The following ASB15 variants were observed in gnomAD, a reference collection of about 807,000 sequenced individuals.
The protein encoded by ASB15 is ankyrin repeat and SOCS box containing 15.
ASB15 carries 54 observed loss-of-function variants against 58.0 expected under a neutral mutation model. That is an observed-to-expected ratio of 0.93 (90% CI 0.75 to 1.17). ASB15 has a LOEUF of 1.17. Ranked by LOEUF, ASB15 falls within the 50% of genes most tolerant of loss-of-function variation. The pLI, the probability that ASB15 is intolerant of heterozygous loss-of-function variation, is 0.00. For missense variants in ASB15, 680 were observed against 707.4 expected, an observed-to-expected ratio of 0.96 and a Z score of 0.44; for synonymous variants, 249 against 262.4, an observed-to-expected ratio of 0.95 and a Z score of 0.50.
chr7:123,584,332 A>G (rs1799317455), intron 1 of ASB15, among the ~76,000 whole-genome samples: 1 of 149,242 alleles, frequency 6.7e-6, no homozygotes, highest in Non-Finnish European at 1.5e-5. Flanking sequence ...AAAAAAAAGT[A>G]AGAGAAAAAG....
At chr7:123,623,662 G>C (rs983041544) in intron 7 of ASB15, among the ~76,000 whole-genome samples, 1 of 151,980 alleles carries the variant, frequency 6.6e-6, no homozygotes, top group African/African-American at 2.4e-5. Context: ...TCAGGAGTTT[G>C]AGACCAGCCT....
chr7:123,573,628 T>A (rs1188818325), intron 1 of ASB15, among the ~76,000 whole-genome samples: 1 of 152,136 alleles, frequency 6.6e-6, no homozygotes, highest in Non-Finnish European at 1.5e-5. Flanking sequence ...ACATAGTTTT[T>A]CTTAGCCTCC....
chr7:123,597,928 G>GTA (rs1554387408), upstream of ASB15, among the ~76,000 whole-genome samples: 153 of 150,674 alleles, frequency 1.0e-3, 1 homozygote, highest in South Asian at 6.1e-3. Context: ...GTGTGTGTGT[G>GTA]TGTGTGTGTG....
At chr7:123,611,236 T>C (rs943034352) in intron 3 of ASB15, among the ~76,000 whole-genome samples, 1 of 152,180 alleles carries the variant, frequency 6.6e-6, no homozygotes, top group Non-Finnish European at 1.5e-5. Flanking sequence ...TCCCATAGAC[T>C]GTTGCTGGCC....
At chr7:123,585,167 T>C (rs1222607473) in intron 1 of ASB15, among the ~76,000 whole-genome samples, 1 of 151,724 alleles carries the variant, frequency 6.6e-6, no homozygotes, top group Non-Finnish European at 1.5e-5. Context: ...TATAATTATC[T>C]GAACAAAGAA....
Position 123,624,728 on chromosome 7 carries a change from AC to A in ASB15, c.613del (p.Leu205Ter). 1 of 1,614,190 alleles carries A rather than the reference AC, an allele frequency of 6.2e-7. No homozygotes were observed. The highest frequency in any genetic ancestry group is 8.5e-7 in the Non-Finnish European group (1 of 1,180,030). Reference sequence around the variant, plus strand: ...CTGCTGAAACATGGAGGCAATGTCCACCTGAGAGATGGATTTGGAGTCACAC... The same window carrying A: ...CTGCTGAAACATGGAGGCAATGTCCACTGAGAGATGGATTTGGAGTCACAC... ...ALLLKHGGNV[H>X]LRDGFGVTPL... On this transcript the variant is annotated frameshift_variant, in exon 8 of 12. Coordinates refer to ENST00000451215, the MANE Select transcript of ASB15 (RefSeq NM_001290258.2). LOFTEE classifies it high-confidence loss of function.
At chr7:123,578,585 T>C (rs1450147077) in intron 1 of ASB15, among the ~76,000 whole-genome samples, 3 of 152,124 alleles carry the variant, frequency 2.0e-5, no homozygotes, top group African/African-American at 7.2e-5. Flanking sequence ...GACTGATATT[T>C]TTCCTTATTA....
At chr7:123,618,343 A>G (rs1562931175) in intron 7 of ASB15, among the ~76,000 whole-genome samples, 1 of 152,226 alleles carries the variant, frequency 6.6e-6, no homozygotes, top group Non-Finnish European at 1.5e-5. Flanking sequence ...GATTAACTCC[A>G]AATGACCCAG....
chr7:123,572,116 G>T (rs1333755063), intron 1 of ASB15, among the ~76,000 whole-genome samples: 1 of 133,244 alleles, frequency 7.5e-6, no homozygotes, highest in Non-Finnish European at 1.6e-5. Context: ...TGATTTTACA[G>T]TGATTGTAGA....
rs1370378543 is a variant in ASB15, at chr7:123,637,755, AC to A, written c.*775del. 1.3e-5 allele frequency: 2 copies of A among 151,732 alleles called. No homozygotes were observed. The highest frequency in any genetic ancestry group is 3.9e-4 in the East Asian group (2 of 5,132). 9.4% of individuals were successfully genotyped at this position (151,732 alleles called of 1,614,324 possible). ...CATGGTCTTAATCATTTTGCTAGAG[AC>A]TACAAAATTTCCATCCAAAGCTCAG... is the stretch of plus-strand genomic sequence containing the variant. On this transcript the variant is annotated 3_prime_UTR_variant, in exon 12 of 12. Transcript: ENST00000451215.
intron 11 of ASB15, 120 bp downstream of exon 11, chr7:123,630,239 GT>G (rs1802051508): frequency 1.4e-6 from 1 of 698,258 alleles, no homozygotes; most frequent in Non-Finnish European, 2.2e-6. Context: ...AATTATCTGG[GT>G]TTTAAAATCA....
chr7:123,627,400 C>T, intron 9 of ASB15, 119 bp downstream of exon 9: 1 of 783,378 alleles, frequency 1.3e-6, no homozygotes, highest in Non-Finnish European at 1.8e-6. Flanking sequence ...GCATAATCTT[C>T]AGGTTTTGAT....
At chr7:123,618,714 C>A (rs1350793016) in intron 7 of ASB15, among the ~76,000 whole-genome samples, 1 of 151,736 alleles carries the variant, frequency 6.6e-6, no homozygotes, top group African/African-American at 2.4e-5. Flanking sequence ...AGTTAAGAAC[C>A]ATCACAGCTC....
At chr7:123,583,057 C>A (rs964915495) in intron 1 of ASB15, among the ~76,000 whole-genome samples, 4 of 151,854 alleles carry the variant, frequency 2.6e-5, no homozygotes, top group African/African-American at 9.7e-5. Context: ...GAATTTGGAT[C>A]TTTAAAATTA....
intron 1 of ASB15, among the ~76,000 whole-genome samples, chr7:123,585,689 T>C (rs1277454856): frequency 6.6e-6 from 1 of 151,586 alleles, no homozygotes. Flanking sequence ...CAAACTCTCT[T>C]AGCAAACTTT....
intron 1 of ASB15, among the ~76,000 whole-genome samples, chr7:123,590,845 G>T (rs192153634): frequency 6.6e-6 from 1 of 152,248 alleles, no homozygotes; most frequent in East Asian, 1.9e-4. Flanking sequence ...CAAAGGCAGT[G>T]GTAGCTTGAT....
chr7:123,608,553 G>A (rs138031221), intron 2 of ASB15, 41 bp from the exon 3 acceptor site: 2 of 152,278 alleles, frequency 1.3e-5, no homozygotes, highest in East Asian at 3.9e-4. Context: ...TGTTAAGAAA[G>A]ATGCTATTTA....
chr7:123,617,331 T>G (rs1800884992), intron 6 of ASB15, among the ~76,000 whole-genome samples: 1 of 152,190 alleles, frequency 6.6e-6, no homozygotes, highest in African/African-American at 2.4e-5. Flanking sequence ...GAAATGAGAC[T>G]TAGCACATCA....
At chr7:123,628,077 C>T (rs549703093) in intron 9 of ASB15, among the ~76,000 whole-genome samples, 1 of 152,298 alleles carries the variant, frequency 6.6e-6, no homozygotes, top group African/African-American at 2.4e-5. Context: ...GACTCTCATA[C>T]ATGTCTGGCT....
Sources: gnomAD v4.1 joint callset for allele counts (sites outside exome capture counted in the v4.1 genomes callset) on GRCh38, gnomAD v4.1.1 for gene constraint, MANE v1.5 for transcripts, NCBI Gene and HGNC (gene_info 2026-07-23, HGNC 2026-07-21) for gene names.